Variants in SLC4A10 observed in about 807,000 individuals in gnomAD.
SLC4A10 encodes the protein sodium-driven chloride bicarbonate exchanger.
A neutral mutation model predicts 137.7 loss-of-function variants in SLC4A10; 42 were observed. The observed-to-expected ratio is 0.30, with a 90% CI of 0.24 to 0.39. The LOEUF is 0.39. Ranked by LOEUF, SLC4A10 falls within the 10% of genes least tolerant of loss-of-function variation. The pLI is 1.00. For missense variants in SLC4A10, 925 were observed against 1,355.0 expected (o/e 0.68, Z 4.98); for synonymous variants, 474 against 464.1 (o/e 1.02, Z -0.27).
intron 1 of SLC4A10, among the ~76,000 whole-genome samples, chr2:161,763,988 G>A (rs2050534338): frequency 6.6e-6 from 1 of 152,078 alleles, no homozygotes; most frequent in Non-Finnish European, 1.5e-5. Flanking sequence ...TCTTTGACAT[G>A]GCAATCCCAC....
At chr2:161,722,718 G>A (rs533928179) in intron 1 of SLC4A10, among the ~76,000 whole-genome samples, 5 of 152,310 alleles carry the variant, frequency 3.3e-5, no homozygotes, top group African/African-American at 1.2e-4. Flanking sequence ...GCACTGCTCT[G>A]GGGAAAATCC....
intron 2 of SLC4A10, among the ~76,000 whole-genome samples, chr2:161,781,253 C>T (rs948246809): frequency 4.6e-5 from 7 of 152,054 alleles, no homozygotes; most frequent in African/African-American, 1.7e-4. Flanking sequence ...AAATGATGGA[C>T]TAATGTCCTT....
chr2:161,753,004 C>T (rs907250446), intron 1 of SLC4A10, among the ~76,000 whole-genome samples: 30 of 151,786 alleles, frequency 2.0e-4, no homozygotes, highest in Admixed American at 3.3e-4. Flanking sequence ...ATATGTTTTA[C>T]GCTATAAATA....
At chr2:161,948,742 A>G (rs1694281839) in intron 17 of SLC4A10, among the ~76,000 whole-genome samples, 1 of 152,108 alleles carries the variant, frequency 6.6e-6, no homozygotes, top group African/African-American at 2.4e-5. Context: ...TTATTTTATG[A>G]TGCTTCAAGT....
chr2:161,947,783 T>C (rs1465436679), intron 17 of SLC4A10, 56 bp downstream of exon 17: 1 of 1,544,778 alleles, frequency 6.5e-7, no homozygotes, highest in East Asian at 2.3e-5. Flanking sequence ...AAAGAAAGAG[T>C]AATTGATGTA....
rs1432725188 is a variant in SLC4A10, at chr2:161,748,851, T to A, written c.49-22122T>A. On this transcript the variant is annotated intron_variant, in intron 1 of 26. Transcript: ENST00000446997. The stretch of plus-strand genomic sequence containing the variant: ...GAATTTTGATAGGGGTTGTGTTGAA[T>A]CTGTATATTGCTTTGGGTAGTATAG... Among the ~76,000 whole-genome samples the A allele has an allele frequency of 2.0e-5, 3 of 152,118 alleles. No individual in the cohort carries two copies. In the South Asian group the frequency reaches 6.2e-4, roughly 31 times the overall value.
intron 3 of SLC4A10, among the ~76,000 whole-genome samples, chr2:161,819,595 A>G (rs1023790204): frequency 6.6e-6 from 1 of 151,898 alleles, no homozygotes; most frequent in Non-Finnish European, 1.5e-5. Context: ...CCCTGGTTCA[A>G]GCGATTCTCC....
At chr2:161,890,698 G>T (rs12477161) in intron 10 of SLC4A10, among the ~76,000 whole-genome samples, 62,985 of 152,014 alleles carry the variant, frequency 0.41, 13,266 homozygotes, top group Admixed American at 0.49. Context: ...GCATGTGAGA[G>T]GGGTCTCCTG....
chr2:161,751,427 T>C (rs190728881), intron 1 of SLC4A10, among the ~76,000 whole-genome samples: 1 of 151,702 alleles, frequency 6.6e-6, no homozygotes. Flanking sequence ...TCAGGTATTT[T>C]GTTGTGGCTT....
intron 26 of SLC4A10, among the ~76,000 whole-genome samples, chr2:161,982,798 T>C (rs142640234): frequency 1.9e-3 from 286 of 152,262 alleles, no homozygotes; most frequent in Admixed American, 3.1e-3. Context: ...CGACATCTTG[T>C]TTGTGTCATT....
chr2:161,803,774 A>G (rs1264072761), intron 2 of SLC4A10, among the ~76,000 whole-genome samples: 1 of 152,166 alleles, frequency 6.6e-6, no homozygotes, highest in East Asian at 1.9e-4. Flanking sequence ...CTGAAACCTC[A>G]GATAGTACTG....
intron 3 of SLC4A10, among the ~76,000 whole-genome samples, chr2:161,810,578 G>A (rs2056446784): frequency 6.6e-6 from 1 of 151,888 alleles, no homozygotes; most frequent in African/African-American, 2.4e-5. Context: ...TATCATGAAG[G>A]GATTTGGGAT....
chr2:161,878,386 G>C (rs1310739237), intron 8 of SLC4A10, among the ~76,000 whole-genome samples: 1 of 152,014 alleles, frequency 6.6e-6, no homozygotes, highest in Admixed American at 6.6e-5. Flanking sequence ...TTATTGTTAA[G>C]GATATTTTGC....
intron 1 of SLC4A10, chr2:161,708,774 A>T: frequency 6.5e-7 from 1 of 1,532,796 alleles, no homozygotes; most frequent in Non-Finnish European, 8.7e-7. Context: ...GTTTCTGGAA[A>T]TAGAAAGGTC....
At chr2:161,673,476 A>C (rs1270989203) in intron 1 of SLC4A10, among the ~76,000 whole-genome samples, 1 of 152,150 alleles carries the variant, frequency 6.6e-6, no homozygotes, top group Admixed American at 6.6e-5. Context: ...GGAAGAATAA[A>C]TGCTTTTTCA....
At chr2:161,646,691 C>A (rs2036078744) in intron 1 of SLC4A10, among the ~76,000 whole-genome samples, 2 of 151,896 alleles carry the variant, frequency 1.3e-5, no homozygotes, top group South Asian at 4.1e-4. Flanking sequence ...ATTTTGTAAT[C>A]AGTACTGCTG....
At chr2:161,661,405 C>A (rs778706591) in intron 1 of SLC4A10, among the ~76,000 whole-genome samples, 3 of 152,126 alleles carry the variant, frequency 2.0e-5, no homozygotes, top group African/African-American at 7.2e-5. Flanking sequence ...AACTGGGAGG[C>A]GGAGGTTGCA....
chr2:161,750,885 T>C (rs1000839265), intron 1 of SLC4A10, among the ~76,000 whole-genome samples: 1 of 151,778 alleles, frequency 6.6e-6, no homozygotes. Flanking sequence ...TATATATACT[T>C]AATTACACTG....
intron 4 of SLC4A10, among the ~76,000 whole-genome samples, chr2:161,851,217 T>C (rs1363073699): frequency 6.6e-6 from 1 of 152,186 alleles, no homozygotes; most frequent in Non-Finnish European, 1.5e-5. Flanking sequence ...TGTAGATGTC[T>C]GTTAGGTTCA....
Sources: allele counts gnomAD v4.1 joint callset (sites outside exome capture counted in the v4.1 genomes callset), GRCh38; gene constraint gnomAD v4.1.1; transcripts MANE v1.5; gene names NCBI Gene and HGNC (gene_info 2026-07-23, HGNC 2026-07-21).